PECR: variants seen among roughly 807,000 people sequenced by gnomAD.
The protein encoded by PECR is 2,4-dienoyl-CoA reductase-related protein.
Under a neutral mutation model 35.3 loss-of-function variants are expected in PECR, and 30 were observed. The observed-to-expected ratio is 0.85, with a 90% CI of 0.64 to 1.15. The LOEUF (loss-of-function observed/expected upper bound fraction) is 1.15, where lower values mean the gene tolerates loss of function less well. Ranked by LOEUF, PECR falls within the 50% of genes most tolerant of loss-of-function variation. PECR has a pLI of 0.00. For synonymous variants in PECR, 148 were observed against 138.9 expected (o/e 1.07, Z -0.46); for missense variants, 392 against 370.8 (o/e 1.06, Z -0.47).
chr2:216,081,436 A>C (rs1471261081), intron 1 of PECR, among the ~76,000 whole-genome samples, 182 bp downstream of exon 1: 2 of 152,026 alleles, frequency 1.3e-5, no homozygotes, highest in African/African-American at 4.8e-5. Context: ...GTGGCTCCAC[A>C]ATTCCTTAGG....
At position 216,053,825 on chromosome 2, in the gene PECR, A is replaced by C. The variant is rs149065057; in HGVS notation, c.507-2280T>G. ...ATGCAATCTCTAGCTTCCCTAAAAA[A>C]TGGAAGGAATCAGAATGTTGAAAAG... On this transcript the variant is annotated intron_variant, in intron 4 of 7. Transcript: ENST00000265322. 5.9e-3 allele frequency among the ~76,000 whole-genome samples: 893 copies of C among 152,338 alleles called. 8 individuals carry two copies. The highest frequency in any genetic ancestry group is 0.02 in the African/African-American group (848 of 41,586).
At chr2:216,047,138 A>T (rs534739367) in intron 6 of PECR, among the ~76,000 whole-genome samples, 107 of 152,192 alleles carry the variant, frequency 7.0e-4, no homozygotes, top group African/African-American at 2.5e-3. Context: ...CATGCCTGTA[A>T]TCCCAGCTAC....
chr2:216,029,497 G>A (rs1694647701), intron 7 of PECR, among the ~76,000 whole-genome samples: 1 of 152,156 alleles, frequency 6.6e-6, no homozygotes, highest in East Asian at 1.9e-4. Flanking sequence ...TGAGGCTGCT[G>A]AGTTAGGACG....
intron 4 of PECR, among the ~76,000 whole-genome samples, chr2:216,052,439 T>C (rs1160240656): frequency 6.6e-6 from 1 of 152,252 alleles, no homozygotes; most frequent in Non-Finnish European, 1.5e-5. Context: ...AGATTTTATA[T>C]GTTTGAAAAA....
chr2:216,043,117 T>A lies in PECR; in HGVS notation c.826+787A>T, dbSNP rs4674057. Among the ~76,000 whole-genome samples the A allele has an allele frequency of 8.1e-3, 1,137 of 140,046 alleles. 35 individuals are homozygous for A. Among genetic ancestry groups the A allele is most frequent in the African/African-American group, 0.022 (836 of 37,544 alleles). 91.9% of individuals were successfully genotyped at this position (140,046 alleles called of 152,430 possible). A position where few individuals can be genotyped will look rare whatever the true frequency, so the allele number is the denominator to read the frequency against. ...TATATGTATGCGTATATATATATATTTTTTTTTGAGATAAGAGTCTCACTC... is the reference window on the plus strand; with the variant it reads ...TATATGTATGCGTATATATATATATATTTTTTTGAGATAAGAGTCTCACTC... On this transcript the variant is annotated intron_variant, in intron 7 of 7. Transcript: ENST00000265322.
intron 4 of PECR, among the ~76,000 whole-genome samples, chr2:216,053,280 G>C (rs1695155535): frequency 6.6e-6 from 1 of 151,704 alleles, no homozygotes; most frequent in Non-Finnish European, 1.5e-5. Context: ...GTCTCACTCT[G>C]TCACCCAGGC....
intron 6 of PECR, among the ~76,000 whole-genome samples, chr2:216,047,868 T>A (rs1559209753): frequency 1.3e-5 from 2 of 152,160 alleles, no homozygotes; most frequent in Non-Finnish European, 2.9e-5. Context: ...AGGAATATTA[T>A]ATGCCCCTAA....
intron 7 of PECR, among the ~76,000 whole-genome samples, chr2:216,040,303 G>T (rs1238433264): frequency 2.0e-5 from 3 of 152,104 alleles, no homozygotes; most frequent in Non-Finnish European, 4.4e-5. Flanking sequence ...TGCTCTGTCA[G>T]CCAGGCTGGA....
chr2:216,069,411 C>A (rs1341436818), intron 1 of PECR, among the ~76,000 whole-genome samples: 1 of 152,138 alleles, frequency 6.6e-6, no homozygotes, highest in Non-Finnish European at 1.5e-5. Flanking sequence ...GACTGGCCAA[C>A]AAACATGAAA....
intron 4 of PECR, among the ~76,000 whole-genome samples, chr2:216,055,219 C>T (rs1337627455): frequency 6.6e-6 from 1 of 151,944 alleles, no homozygotes; most frequent in Non-Finnish European, 1.5e-5. Context: ...GGGCACATCA[C>T]CTGAGGTCGG....
At chr2:216,043,835 T>C (rs1694942121) in intron 7 of PECR, 69 bp downstream of exon 7, 1 of 793,766 alleles carries the variant, frequency 1.3e-6, no homozygotes, top group Admixed American at 1.9e-5. Context: ...TAACTACTTA[T>C]AATAAATTTT....
At chr2:216,057,663 ACT>A (rs1172803872) in intron 4 of PECR, 2 of 151,944 alleles carry the variant, frequency 1.3e-5, no homozygotes, top group Non-Finnish European at 2.9e-5. Flanking sequence ...ACCATTTTTT[ACT>A]CTGTTTTTAG....
chr2:216,066,096 C>T (rs577613359), intron 2 of PECR, among the ~76,000 whole-genome samples: 1 of 152,294 alleles, frequency 6.6e-6, no homozygotes, highest in Admixed American at 6.5e-5. Flanking sequence ...TGCCTTTCAG[C>T]CTGGGCAACA....
intron 6 of PECR, among the ~76,000 whole-genome samples, chr2:216,047,455 A>T (rs950170295): frequency 1.3e-5 from 2 of 152,088 alleles, no homozygotes; most frequent in African/African-American, 4.8e-5. Flanking sequence ...CAGGATAGGG[A>T]GTCTAATTTA....
Position 216,051,452 on chromosome 2 carries a change from G to C in PECR, c.600C>G (p.Ala200=), listed in dbSNP as rs1391344394. Residue 200 remains alanine, a synonymous_variant, in exon 5 of 8, where the codon GCC becomes GCG. Transcript: ENST00000265322. ...TCAATATAGATCGTTTACCTACAGG[G>C]GCAACACAATTGATCCGTATTCCAC... ...ACSGIRINCV[A]PGVIYSQTAV... 1.3e-6 allele frequency: 2 copies of C among 1,585,294 alleles called. No individual in the cohort carries two copies. The highest frequency in any genetic ancestry group is 2.7e-5 in the African/African-American group (2 of 74,324).
At chr2:216,036,834 A>T (rs1559205454), downstream of PECR, among the ~76,000 whole-genome samples, 1 of 152,220 alleles carries the variant, frequency 6.6e-6, no homozygotes, top group Non-Finnish European at 1.5e-5. Flanking sequence ...CCTGAACATA[A>T]GCCACAAAGC....
At chr2:216,042,092 A>G (rs1694897236) in intron 7 of PECR, among the ~76,000 whole-genome samples, 1 of 152,208 alleles carries the variant, frequency 6.6e-6, no homozygotes, top group South Asian at 2.1e-4. Flanking sequence ...GAAGTTTTAG[A>G]GGCCCAGACT....
chr2:216,068,506 C>T (rs1695516772), intron 1 of PECR, among the ~76,000 whole-genome samples: 1 of 151,964 alleles, frequency 6.6e-6, no homozygotes, highest in African/African-American at 2.4e-5. Context: ...CTTTTTCACA[C>T]ATATGAAAGC....
chr2:216,068,250 C>A (rs867591008), intron 1 of PECR, among the ~76,000 whole-genome samples: 6 of 140,990 alleles, frequency 4.3e-5, no homozygotes, highest in African/African-American at 1.3e-4. Flanking sequence ...AAAAAAAAAC[C>A]GGAACCAGAA....
Sources: gnomAD v4.1 joint callset for allele counts (sites outside exome capture counted in the v4.1 genomes callset) on GRCh38, gnomAD v4.1.1 for gene constraint, MANE v1.5 for transcripts, NCBI Gene and HGNC (gene_info 2026-07-23, HGNC 2026-07-21) for gene names.